The following ZNF287 variants were observed in gnomAD, a reference collection of about 807,000 sequenced individuals.
ZNF287 encodes zinc finger protein 287, also known as zinc finger protein with KRAB and SCAN domains 13.
A neutral mutation model predicts 73.7 loss-of-function variants in ZNF287; 31 were observed. The observed-to-expected ratio is 0.42, with a 90% CI of 0.32 to 0.57. The LOEUF is 0.57. Among genes scored for constraint, ZNF287 ranks in the 20% least tolerant of loss-of-function variants. ZNF287 has a pLI of 0.13. For missense variants in ZNF287, 641 were observed against 909.3 expected (o/e 0.70, Z 3.79); for synonymous variants, 301 against 307.2 (o/e 0.98, Z 0.21).
Position 16,553,045 on chromosome 17 carries a change from T to C in ZNF287, c.1097A>G (p.Lys366Arg). ...IVHRKILPGE[K>R]PYKCNVCGKK... ...CCCACACACATTACACTTGTAAGGC[T>C]TCTCTCCAGGAAGTATTTTCCTATG... Residue 366 changes from lysine to arginine, a missense_variant, in exon 6 of 6, where the codon AAG (lysine) becomes AGG (arginine). By Grantham distance (26) the Lys-to-Arg change is conservative (BLOSUM62 2). Around this residue, in one of 2 missense-constraint regions of ZNF287, gnomAD observed 357 missense variants for 442.4 expected, o/e 0.81. Coordinates refer to ENST00000395825, the MANE Select transcript of ZNF287 (RefSeq NM_020653.4). 3.1e-6 allele frequency: 5 copies of C among 1,614,226 alleles called. No individual in the cohort carries two copies. Among genetic ancestry groups the C allele is most frequent in the Non-Finnish European group, 4.2e-6 (5 of 1,180,030 alleles).
Position 16,549,961 on chromosome 17 carries a change from A to G in ZNF287, c.*1895T>C, listed in dbSNP as rs1434513327. Among the ~76,000 whole-genome samples, 1 of 152,214 alleles carries G rather than the reference A, an allele frequency of 6.6e-6. No individual in the cohort carries two copies. Among genetic ancestry groups the G allele is most frequent in the African/African-American group, 2.4e-5 (1 of 41,456 alleles). On this transcript the variant is annotated 3_prime_UTR_variant, in exon 6 of 6. Transcript: ENST00000395825. ...CTACTTTATTACTGAAATCTAATTT[A>G]TATAATTTATTCATTAATTCAACCA... is the stretch of plus-strand genomic sequence containing the variant.
chr17:16,567,051 C>T (rs757234316), intron 2 of ZNF287, among the ~76,000 whole-genome samples: 1 of 152,076 alleles, frequency 6.6e-6, no homozygotes, highest in Non-Finnish European at 1.5e-5. Flanking sequence ...AATTTGGTTG[C>T]GTCTGGTCAT....
chr17:16,550,661 A>G lies in ZNF287; in HGVS notation c.*1195T>C, dbSNP rs1906589640. On this transcript the variant is annotated 3_prime_UTR_variant, in exon 6 of 6. Transcript: ENST00000395825. ...CTCTAGAAATCTTTCTGTTGTGTAA[A>G]CCACCTGTGATTTTCAGCACTGTAA... Among the ~76,000 whole-genome samples the G allele has an allele frequency of 6.6e-6, 1 of 152,162 alleles. No individual in the cohort carries two copies.
chr17:16,552,770 C>G lies in ZNF287; in HGVS notation c.1372G>C (p.Gly458Arg), dbSNP rs377110324. The G allele has an allele frequency of 3.1e-5, 50 of 1,613,892 alleles. No homozygotes were observed. Among genetic ancestry groups the G allele is most frequent in the Non-Finnish European group, 3.6e-5 (42 of 1,179,974 alleles). The change falls in exon 6 of 6, where the codon GGG (glycine) becomes CGG (arginine). Residue 458 changes from glycine to arginine, a missense_variant. Gly to Arg is a moderately radical substitution (Grantham distance 125). Transcript: ENST00000395825. The surrounding 1 kb of genome is among the most constrained non-coding windows in gnomAD (Gnocchi z 6.5). ...GEKPYKCDDC[G>R]KDFSQRAHLT... ...TGTGCACGCTGACTGAAGTCTTTCC[C>G]ACAGTCATCACACTTATAGGGTTTC...
rs369787022 is a variant in ZNF287, at chr17:16,553,014, T to G, written c.1128A>C (p.Lys376Asn). The change falls in exon 6 of 6, where the codon AAA becomes AAC. Residue 376 changes from lysine (K) to asparagine (N), a missense_variant. This residue lies in a region of ZNF287 where 357 missense variants were observed against 442.4 expected (regional missense o/e 0.81). Transcript: ENST00000395825. ...KPYKCNVCGK[K>N]FRKYPSLLKH... Reference sequence around the variant, plus strand: ...TCAGGAGGGATGGGTATTTCCTAAATTTTTTCCCACACACATTACACTTGT... The same window carrying G: ...TCAGGAGGGATGGGTATTTCCTAAAGTTTTTCCCACACACATTACACTTGT... 2 of 1,614,012 alleles carry G rather than the reference T, an allele frequency of 1.2e-6. No individual in the cohort carries two copies. Among genetic ancestry groups the G allele is most frequent in the Non-Finnish European group, 1.7e-6 (2 of 1,180,012 alleles).
chr17:16,559,952 A>G (rs1000814442), intron 5 of ZNF287, among the ~76,000 whole-genome samples: 1 of 151,894 alleles, frequency 6.6e-6, no homozygotes, highest in Non-Finnish European at 1.5e-5. Context: ...ATATATATAT[A>G]TATATTTTTC....
Position 16,552,058 on chromosome 17 carries a change from TGATG to T in ZNF287, c.2080_2083del (p.His694ArgfsTer70). The T allele has an allele frequency of 6.2e-7, 1 of 1,614,124 alleles. No homozygotes were observed. Among genetic ancestry groups the T allele is most frequent in the East Asian group, 2.2e-5 (1 of 44,878 alleles). On this transcript the variant is annotated frameshift_variant, in exon 6 of 6. Transcript: ENST00000395825. LOFTEE classifies it high-confidence loss of function. The surrounding 1 kb of genome is among the most constrained non-coding windows in gnomAD (Gnocchi z 6.5). ...GGGTCTCTCTCCAGTATGAGTTCTC[TGATG>T]TTGATTAAGTGATGAGGAATAAATG...
chr17:16,555,166 C>T (rs1906960564), intron 5 of ZNF287, among the ~76,000 whole-genome samples: 1 of 151,962 alleles, frequency 6.6e-6, no homozygotes, highest in Non-Finnish European at 1.5e-5. Flanking sequence ...TTATATGAAC[C>T]TAGATGATAT....
intron 5 of ZNF287, chr17:16,559,203 CT>C (rs1907263370): frequency 6.6e-6 from 1 of 151,834 alleles, no homozygotes; most frequent in Non-Finnish European, 1.5e-5. Flanking sequence ...AAATGTATAC[CT>C]TTCTATATAG....
Position 16,549,643 on chromosome 17 carries a change from C to A in ZNF287, c.*2213G>T, listed in dbSNP as rs2037834708. Among the ~76,000 whole-genome samples, 3 of 152,162 alleles carry A rather than the reference C, an allele frequency of 2.0e-5. No homozygotes were observed. The highest frequency in any genetic ancestry group is 7.2e-5 in the African/African-American group (3 of 41,444). On this transcript the variant is annotated 3_prime_UTR_variant, in exon 6 of 6. Transcript: ENST00000395825. ...ACTCAATAATATAGCCTTTAGGATA[C>A]TAGCATCCTGGGTCTTTCCTTCAGT...
rs777718732 is a variant in ZNF287, at chr17:16,567,692, A to C, written c.40T>G (p.Ser14Ala). ...SSKRMNSSSR[S>A]QILLRWKSDK... ...GACTTCCACCTTAGAAGGATTTGAG[A>C]ACGTGAAGAACTGTTCATCCTCTTG... is the stretch of plus-strand genomic sequence containing the variant. The change falls in exon 2 of 6, where the codon TCT becomes GCT. Residue 14 changes from serine (S) to alanine (A), a missense_variant. By Grantham distance (99) the Ser-to-Ala change is moderately conservative (BLOSUM62 1). Coordinates refer to ENST00000395825, the MANE Select transcript of ZNF287 (RefSeq NM_020653.4). 6.2e-7 allele frequency: 1 copy of C among 1,613,722 alleles called. No homozygotes were observed. The highest frequency in any genetic ancestry group is 2.2e-5 in the East Asian group (1 of 44,886).
chr17:16,551,836 A>G lies in ZNF287; in HGVS notation c.*20T>C. On this transcript the variant is annotated 3_prime_UTR_variant, in exon 6 of 6. Transcript: ENST00000395825. ...AATTGAAACAAAGTTGTAAAACCGAATTGAAGTTTCCCTTATCCATTAATT... is the reference window on the plus strand; with the variant it reads ...AATTGAAACAAAGTTGTAAAACCGAGTTGAAGTTTCCCTTATCCATTAATT... 6.5e-7 allele frequency: 1 copy of G among 1,548,590 alleles called. No individual in the cohort carries two copies. The highest frequency in any genetic ancestry group is 8.7e-7 in the Non-Finnish European group (1 of 1,149,978).
In ZNF287 at chr17:16,547,456, G is replaced by C. The variant is rs1024405328; in HGVS notation, c.*4400C>G. On this transcript the variant is annotated 3_prime_UTR_variant, in exon 6 of 6. Transcript: ENST00000395825. The stretch of plus-strand genomic sequence containing the variant: ...GCTGCTTTCTAGCATACATAACATG[G>C]AAGTGTTCTCTCCAATTTAGGTGCA... 3.9e-5 allele frequency among the ~76,000 whole-genome samples: 6 copies of C among 152,182 alleles called. No homozygotes were observed. Among genetic ancestry groups the C allele is most frequent in the Non-Finnish European group, 8.8e-5 (6 of 68,032 alleles).
intron 5 of ZNF287, among the ~76,000 whole-genome samples, chr17:16,553,649 G>A (rs1906851152): frequency 6.6e-6 from 1 of 152,116 alleles, no homozygotes; most frequent in African/African-American, 2.4e-5. Flanking sequence ...TGGACACAGA[G>A]GGAATAAAAC....
chr17:16,553,104 C>T lies in ZNF287; in HGVS notation c.1038G>A (p.Arg346=), dbSNP rs769937128. 2 of 1,613,916 alleles carry T rather than the reference C, an allele frequency of 1.2e-6. No homozygotes were observed. Among genetic ancestry groups the T allele is most frequent in the African/African-American group, 1.3e-5 (1 of 75,002 alleles). Residue 346 remains arginine (R), a synonymous_variant, in exon 6 of 6, where the codon AGG becomes AGA. Transcript: ENST00000395825. Reference sequence around the variant, plus strand: ...CATATGAGACATGATTGAAGGTTGCCCTGCCTTCATTATACACAGAAGTTT... The same window carrying T: ...CATATGAGACATGATTGAAGGTTGCTCTGCCTTCATTATACACAGAAGTTT... ...DNKTSVYNEG[R]ATFNHVSYGI...
Position 16,553,189 on chromosome 17 carries a change from C to CTA in ZNF287, c.951_952dup (p.Arg318IlefsTer11). On this transcript the variant is annotated frameshift_variant, in exon 6 of 6. Transcript: ENST00000395825. LOFTEE classifies it high-confidence loss of function. ...GTTTGAATGCTTTTCAAAATTATTT[C>CTA]TATATATATCATATTTACTAAGACA... is the stretch of plus-strand genomic sequence containing the variant. 1 of 1,600,610 alleles carries CTA rather than the reference C, an allele frequency of 6.2e-7. No individual in the cohort carries two copies. Among genetic ancestry groups the CTA allele is most frequent in the Non-Finnish European group, 8.6e-7 (1 of 1,168,302 alleles).
In ZNF287 at chr17:16,567,819, G is replaced by A. The variant is rs1907846346; in HGVS notation, c.-88C>T. 1 of 1,511,696 alleles carries A rather than the reference G, an allele frequency of 6.6e-7. No homozygotes were observed. Among genetic ancestry groups the A allele is most frequent in the South Asian group, 1.3e-5 (1 of 74,956 alleles). 93.6% of individuals were successfully genotyped at this position (1,511,696 alleles called of 1,614,324 possible). A position where few individuals can be genotyped will look rare whatever the true frequency, so the allele number is the denominator to read the frequency against. ...TTGAAGTCTCATGCTAGAGTCACAA[G>A]GACACTATATCAAAGGCTGCTGCAG... On this transcript the variant is annotated 5_prime_UTR_variant, in exon 2 of 6. Transcript: ENST00000395825.
Position 16,551,808 on chromosome 17 carries a change from C to G in ZNF287, c.*48G>C. The G allele has an allele frequency of 6.5e-7, 1 of 1,532,576 alleles. No individual in the cohort carries two copies. The highest frequency in any genetic ancestry group is 8.8e-7 in the Non-Finnish European group (1 of 1,142,212). The allele number at this position is 1,532,576 out of a possible 1,614,324, so 94.9% of individuals were successfully genotyped here. A position where few individuals can be genotyped will look rare whatever the true frequency, so the allele number is the denominator to read the frequency against. On this transcript the variant is annotated 3_prime_UTR_variant, in exon 6 of 6. Coordinates refer to ENST00000395825, the MANE Select transcript of ZNF287 (RefSeq NM_020653.4). ...GTTCTGACACATAGAATGCACAAAA[C>G]AAAATTGAAACAAAGTTGTAAAACC...
At chr17:16,561,183 A>G (rs1328348320) in intron 5 of ZNF287, among the ~76,000 whole-genome samples, 7 of 152,036 alleles carry the variant, frequency 4.6e-5, no homozygotes, top group Middle Eastern at 3.2e-3. Flanking sequence ...GTGTGGTGGC[A>G]CATGCCTCTA....
Sources: allele counts gnomAD v4.1 joint callset (sites outside exome capture counted in the v4.1 genomes callset), GRCh38; gene constraint gnomAD v4.1.1; regional missense constraint gnomAD v4.1.1; non-coding constraint Gnocchi (gnomAD v3.1); transcripts MANE v1.5; gene names NCBI Gene and HGNC (gene_info 2026-07-23, HGNC 2026-07-21).